Variants in WNK2 observed in about 807,000 individuals in gnomAD.
WNK2 encodes the protein serine/threonine-protein kinase WNK2.
A neutral mutation model predicts 192.1 loss-of-function variants in WNK2; 67 were observed. That is an observed-to-expected ratio of 0.35 (90% CI 0.29 to 0.43). The LOEUF (loss-of-function observed/expected upper bound fraction) is 0.43, where lower values mean the gene tolerates loss of function less well. Among genes scored for constraint, WNK2 ranks in the 20% least tolerant of loss-of-function variants. The pLI is 1.00. For missense variants in WNK2, 2,698 were observed against 3,089.7 expected (o/e 0.87, Z 3.01); for synonymous variants, 1,439 against 1,393.9 (o/e 1.03, Z -0.72).
chr9:93,252,029 G>A (rs572353819), intron 8 of WNK2, among the ~76,000 whole-genome samples: 5 of 152,270 alleles, frequency 3.3e-5, no homozygotes, highest in East Asian at 1.9e-4. Context: ...GCAGCCCCTC[G>A]CGAAAATAGT....
chr9:93,219,107 G>T (rs1236643109), intron 2 of WNK2, among the ~76,000 whole-genome samples: 1 of 152,266 alleles, frequency 6.6e-6, no homozygotes, highest in Non-Finnish European at 1.5e-5. Context: ...AGGGCACCTG[G>T]ATGTCCCTGG....
chr9:93,287,971 G>A (rs528913782), intron 19 of WNK2, among the ~76,000 whole-genome samples: 8 of 152,226 alleles, frequency 5.3e-5, no homozygotes, highest in African/African-American at 1.9e-4. Flanking sequence ...GCTTGAGCCC[G>A]GGAGGCAGAG....
intron 2 of WNK2, among the ~76,000 whole-genome samples, chr9:93,222,028 C>T (rs180867720): frequency 1.6e-4 from 25 of 152,220 alleles, no homozygotes; most frequent in Admixed American, 1.2e-3. Context: ...CCCAACTTAC[C>T]CCTGGGGCAG....
Position 93,238,322 on chromosome 9 carries a change from G to A in WNK2, c.1322+1G>A. ...GTATCTGCAAAAACAAGGAGGAAAG[G>A]TGAGTTCCCCTGAAGGGCTGGGTTC... On this transcript the variant is annotated splice_donor_variant, in intron 6 of 29. Transcript: ENST00000427277. LOFTEE classifies it high-confidence loss of function. 1 of 1,613,800 alleles carries A rather than the reference G, an allele frequency of 6.2e-7. No individual in the cohort carries two copies. Among genetic ancestry groups the A allele is most frequent in the Non-Finnish European group, 8.5e-7 (1 of 1,179,700 alleles).
intron 2 of WNK2, among the ~76,000 whole-genome samples, chr9:93,219,143 T>G (rs1836327442): frequency 6.6e-6 from 1 of 152,266 alleles, no homozygotes; most frequent in Admixed American, 6.5e-5. Context: ...GTTCAAGCTC[T>G]CTTCCTCCCT....
At position 93,289,983 on chromosome 9, in the gene WNK2, G is replaced by T. The variant is rs768862739; in HGVS notation, c.4872G>T (p.Glu1624Asp). The T allele has an allele frequency of 5.1e-6, 8 of 1,571,562 alleles. No individual in the cohort carries two copies. In the South Asian group the frequency reaches 9.4e-5, roughly 18 times the overall value. Residue 1624 changes from glutamate (E) to aspartate (D), a missense_variant, in exon 21 of 30, where the codon GAG becomes GAT. Transcript: ENST00000427277. ...GRVQLPQPLV[E>D]KSELAPTRGA... ...TTTTGTGTTTCTTTCTCCAGGTGGA[G>T]AAGTCAGAACTGGCCCCCACTCGAG...
chr9:93,255,774 C>T (rs1000950233), intron 9 of WNK2, among the ~76,000 whole-genome samples: 2 of 152,200 alleles, frequency 1.3e-5, no homozygotes, highest in African/African-American at 2.4e-5. Context: ...TCCATTAGTA[C>T]ACCAACAAAT....
At chr9:93,268,977 A>T in intron 19 of WNK2, 1 of 1,542,852 alleles carries the variant, frequency 6.5e-7, no homozygotes. Context: ...TTACCCCACC[A>T]AGTAGGTGGC....
At position 93,292,649 on chromosome 9, in the gene WNK2, C is replaced by T. The variant is rs1849544399; in HGVS notation, c.5184C>T (p.Ser1728=). 2 of 1,580,268 alleles carry T rather than the reference C, an allele frequency of 1.3e-6. No homozygotes were observed. The highest frequency in any genetic ancestry group is 1.4e-5 in the African/African-American group (1 of 73,792). ...PQTLGARALG[S]PRKRPEQQDV... The stretch of plus-strand genomic sequence containing the variant: ...CACTCGGCGCTCGAGCTTTGGGGTC[C>T]CCTCGGAAACGTCCAGAGCAGCAGG... Residue 1728 remains serine, a synonymous_variant, in exon 23 of 30, where the codon TCC becomes TCT. Coordinates refer to ENST00000427277, the MANE Select transcript of WNK2 (RefSeq NM_006648.4).
intron 16 of WNK2, among the ~76,000 whole-genome samples, chr9:93,265,778 G>A (rs1248735367): frequency 6.6e-6 from 1 of 152,222 alleles, no homozygotes; most frequent in Non-Finnish European, 1.5e-5. Flanking sequence ...CCACACATGC[G>A]ACATCAGCCA....
intron 25 of WNK2, among the ~76,000 whole-genome samples, chr9:93,299,478 CAGGGGG>C (rs1262285341): frequency 6.6e-6 from 1 of 151,994 alleles, no homozygotes; most frequent in Admixed American, 6.6e-5. Context: ...GTAAGCAGCT[CAGGGGG>C]AGGTGATGCT....
intron 2 of WNK2, among the ~76,000 whole-genome samples, chr9:93,211,159 GATTCCC>G (rs1563996574): frequency 0.018 from 124 of 6,976 alleles, no homozygotes; most frequent in Middle Eastern, 0.17. Context: ...TTCACTCACA[GATTCCC>G]TCACTCATAC....
rs1853037199 is a variant in WNK2 at position 93,308,551 on chromosome 9, G to A, written c.6483G>A (p.Gln2161=). Residue 2161 remains glutamine, a synonymous_variant, in exon 28 of 30, where the codon CAG becomes CAA. Coordinates refer to ENST00000427277, the MANE Select transcript of WNK2 (RefSeq NM_006648.4). ...AGAAGCTGCAAGACATGGAGGCCCA[G>A]GCAGGCTGGGCTGCCCCTGGCGAGG... ...QTQKLQDMEA[Q]AGWAAPGEAR... The A allele has an allele frequency of 1.9e-6, 3 of 1,600,834 alleles. No homozygotes were observed. The African/African-American group carries it at 4.0e-5, about 21-fold the overall frequency.
At chr9:93,264,865 C>T (rs776935774) in intron 16 of WNK2, among the ~76,000 whole-genome samples, 22 of 152,216 alleles carry the variant, frequency 1.4e-4, no homozygotes, top group Admixed American at 3.9e-4. Context: ...ATATACCACT[C>T]AAGTTAATAT....
intron 19 of WNK2, among the ~76,000 whole-genome samples, chr9:93,282,912 A>C (rs1000030805): frequency 5.3e-5 from 8 of 152,224 alleles, no homozygotes; most frequent in African/African-American, 1.9e-4. Flanking sequence ...AACAAATCTC[A>C]ACAAGTTTCA....
intron 2 of WNK2, among the ~76,000 whole-genome samples, chr9:93,195,746 C>G (rs1554768799): frequency 9.2e-6 from 1 of 109,038 alleles, no homozygotes; most frequent in South Asian, 3.4e-4. Context: ...AAAAAAATAT[C>G]AACCATAATC....
chr9:93,287,808 C>A (rs946503487), intron 19 of WNK2, among the ~76,000 whole-genome samples: 1 of 152,148 alleles, frequency 6.6e-6, no homozygotes, highest in Non-Finnish European at 1.5e-5. Context: ...CACCTGTCAT[C>A]CCAACACTTT....
At chr9:93,273,701 C>G (rs1371345373) in intron 19 of WNK2, among the ~76,000 whole-genome samples, 2 of 152,174 alleles carry the variant, frequency 1.3e-5, no homozygotes, top group African/African-American at 4.8e-5. Flanking sequence ...ACACTCCACT[C>G]AAAAACAATA....
Position 93,311,390 on chromosome 9 carries a change from G to A in WNK2, c.6516+2806G>A, listed in dbSNP as rs182208273. Among the ~76,000 whole-genome samples, 578 of 152,316 alleles carry A rather than the reference G, an allele frequency of 3.8e-3. 3 individuals carry two copies. Among genetic ancestry groups the A allele is most frequent in the African/African-American group, 0.013 (557 of 41,570 alleles). ...ATCTTTTAGCTGTTATTAATCTGCT[G>A]TGAACATAGGTGTACAAGCATCCCT... is the stretch of plus-strand genomic sequence containing the variant. On this transcript the variant is annotated intron_variant, in intron 28 of 29. Coordinates refer to ENST00000427277, the MANE Select transcript of WNK2 (RefSeq NM_006648.4).
Sources: gnomAD v4.1 joint callset for allele counts (sites outside exome capture counted in the v4.1 genomes callset) on GRCh38, gnomAD v4.1.1 for gene constraint, MANE v1.5 for transcripts, NCBI Gene and HGNC (gene_info 2026-07-23, HGNC 2026-07-21) for gene names.